Variants in ZNF276 observed in about 807,000 individuals in gnomAD.
ZNF276 encodes the protein centromere protein Z.
A neutral mutation model predicts 63.9 loss-of-function variants in ZNF276; 59 were observed. The ratio of observed to expected loss-of-function variants is 0.92; its 90% CI spans 0.75 to 1.15. ZNF276 has a LOEUF of 1.15. Ranked by LOEUF, ZNF276 falls within the 50% of genes most tolerant of loss-of-function variation. ZNF276 has a pLI of 0.00. For synonymous variants in ZNF276, 496 were observed against 348.4 expected, an observed-to-expected ratio of 1.42 and a Z score of -4.72; for missense variants, 1,084 against 843.8, an observed-to-expected ratio of 1.28 and a Z score of -3.53.
At chr16:89,736,216 C>T (rs1243293974) in intron 9 of ZNF276, among the ~76,000 whole-genome samples, 1 of 151,946 alleles carries the variant, frequency 6.6e-6, no homozygotes, top group Non-Finnish European at 1.5e-5. Flanking sequence ...AGTAGAGAGG[C>T]AGGTTTTGCT....
At position 89,722,507 on chromosome 16, in the gene ZNF276, A is replaced by G. The variant is rs374737072; in HGVS notation, c.206-24A>G. 13 of 1,589,764 alleles carry G rather than the reference A, an allele frequency of 8.2e-6. No homozygotes were observed. The African/African-American group carries it at 1.7e-4, about 21-fold the overall frequency. ...TCAGGAGCCTCCTTTGCCAGCTGCT[A>G]ACACTTCCTGCCGCTCTGTGCAGGA... On this transcript the variant is annotated intron_variant, in intron 1 of 10. Transcript: ENST00000443381.
rs1264506681 is a variant in ZNF276 at position 89,739,531 on chromosome 16, G to A, written c.*1285G>A. On this transcript the variant is annotated 3_prime_UTR_variant, in exon 11 of 11. Coordinates refer to ENST00000443381, the MANE Select transcript of ZNF276 (RefSeq NM_001113525.2). Reference sequence around the variant, plus strand: ...TGTGCTGATCCGGGGCCACACGGAGGAGGAGCCGCCCCAGCCTGAGGTCTG... The same window carrying A: ...TGTGCTGATCCGGGGCCACACGGAGAAGGAGCCGCCCCAGCCTGAGGTCTG... The A allele has an allele frequency of 1.3e-6, 2 of 1,551,362 alleles. No individual in the cohort carries two copies. Among genetic ancestry groups the A allele is most frequent in the Admixed American group, 2.0e-5 (1 of 51,016 alleles).
chr16:89,738,929 G>A lies in ZNF276; in HGVS notation c.*683G>A, dbSNP rs2151710810. ...TTTTTCGGGCACCGAGGTATTAACT[G>A]CAGCAGAAAAAGACGAGCTTTTGTT... On this transcript the variant is annotated 3_prime_UTR_variant, in exon 11 of 11. Transcript: ENST00000443381. 6.2e-7 allele frequency: 1 copy of A among 1,614,276 alleles called. No homozygotes were observed. The highest frequency in any genetic ancestry group is 1.3e-5 in the African/African-American group (1 of 75,076).
intron 9 of ZNF276, among the ~76,000 whole-genome samples, chr16:89,736,626 G>A (rs936914399): frequency 1.1e-4 from 16 of 151,398 alleles, no homozygotes; most frequent in South Asian, 4.2e-4. Context: ...CCACTGCACC[G>A]GCCCCCCAAA....
In ZNF276 at chr16:89,738,869, A is replaced by C; in HGVS notation, c.*623A>C. On this transcript the variant is annotated 3_prime_UTR_variant, in exon 11 of 11. Transcript: ENST00000443381. Reference sequence around the variant, plus strand: ...GTCCCCCACATGGCCCAAGGTGGGCATCTTGACGTTACCTCTGCCACGTGT... The same window carrying C: ...GTCCCCCACATGGCCCAAGGTGGGCCTCTTGACGTTACCTCTGCCACGTGT... 3 of 1,614,254 alleles carry C rather than the reference A, an allele frequency of 1.9e-6. No homozygotes were observed. The highest frequency in any genetic ancestry group is 2.5e-6 in the Non-Finnish European group (3 of 1,180,042).
In ZNF276 at chr16:89,733,290, T is replaced by C. The variant is rs1363635258; in HGVS notation, c.1170-12T>C. 6.2e-7 allele frequency: 1 copy of C among 1,608,528 alleles called. No homozygotes were observed. On this transcript the variant is annotated splice_polypyrimidine_tract_variant and intron_variant, in intron 6 of 10. Coordinates refer to ENST00000443381, the MANE Select transcript of ZNF276 (RefSeq NM_001113525.2). ...TCAGAAACCATTGAATTTGGGAACC[T>C]CTTTTTTTCAGAGTCTCTGGTAAGA...
At chr16:89,723,045 C>A in intron 2 of ZNF276, 92 bp from the exon 3 acceptor site, 1 of 1,609,344 alleles carries the variant, frequency 6.2e-7, no homozygotes, top group Non-Finnish European at 8.5e-7. Context: ...ATGGGGACCG[C>A]TGAGGTTTGA....
chr16:89,724,874 A>C (rs893934644), intron 4 of ZNF276, among the ~76,000 whole-genome samples: 4 of 152,048 alleles, frequency 2.6e-5, no homozygotes, highest in African/African-American at 9.7e-5. Flanking sequence ...CTATCTACCT[A>C]CCTATCTGTA....
intron 6 of ZNF276, chr16:89,732,460 G>T: frequency 6.5e-6 from 1 of 153,480 alleles, no homozygotes; most frequent in Non-Finnish European, 1.5e-5. Context: ...CCCATTTTGA[G>T]AGAGTGGATT....
At chr16:89,734,206 G>A (rs944783062) in intron 9 of ZNF276, among the ~76,000 whole-genome samples, 168 bp downstream of exon 9, 3 of 152,246 alleles carry the variant, frequency 2.0e-5, no homozygotes, top group Non-Finnish European at 4.4e-5. Context: ...AGAGTAGGGC[G>A]TCAGTGTGAA....
chr16:89,722,435 G>T (rs1415943972), intron 1 of ZNF276, 96 bp from the exon 2 acceptor site: 2 of 1,398,112 alleles, frequency 1.4e-6, no homozygotes, highest in Admixed American at 4.6e-5. Context: ...CGCGCGAAGG[G>T]CGCTGCAGGC....
chr16:89,733,715 G>A (rs141102927), intron 8 of ZNF276, among the ~76,000 whole-genome samples, 158 bp downstream of exon 8: 7 of 152,170 alleles, frequency 4.6e-5, no homozygotes, highest in African/African-American at 1.7e-4. Flanking sequence ...GCCATCCTTG[G>A]GGGTAGATGT....
chr16:89,722,933 G>T, intron 2 of ZNF276, 99 bp downstream of exon 2: 3 of 1,557,700 alleles, frequency 1.9e-6, no homozygotes, highest in Non-Finnish European at 2.6e-6. Flanking sequence ...GAGCCTCTGG[G>T]TGGGGGGAAT....
At chr16:89,728,300 C>A (rs2061530548) in intron 5 of ZNF276, among the ~76,000 whole-genome samples, 1 of 151,310 alleles carries the variant, frequency 6.6e-6, no homozygotes, top group African/African-American at 2.4e-5. Context: ...CCTCAGCTCA[C>A]TGCAAACTCC....
upstream of ZNF276, chr16:89,721,508 C>A (rs950837538): frequency 5.5e-6 from 5 of 916,912 alleles, no homozygotes; most frequent in Non-Finnish European, 7.6e-6. Context: ...CCGCCCGCCT[C>A]GCTTTGCTTC....
chr16:89,728,033 A>G (rs1280408319), intron 5 of ZNF276, among the ~76,000 whole-genome samples: 1 of 152,168 alleles, frequency 6.6e-6, no homozygotes, highest in Non-Finnish European at 1.5e-5. Flanking sequence ...GCTGCAACAC[A>G]GATGCACCTC....
chr16:89,727,608 G>A (rs1446565145), intron 5 of ZNF276, among the ~76,000 whole-genome samples: 2 of 152,280 alleles, frequency 1.3e-5, no homozygotes, highest in Non-Finnish European at 1.5e-5. Context: ...GGGAGCTTCC[G>A]AGGCTTCTTG....
At chr16:89,724,872 C>G (rs1372487015) in intron 4 of ZNF276, among the ~76,000 whole-genome samples, 1 of 152,176 alleles carries the variant, frequency 6.6e-6, no homozygotes, top group African/African-American at 2.4e-5. Flanking sequence ...CTCTATCTAC[C>G]TACCTATCTG....
rs2062027513 is a variant in ZNF276, at chr16:89,738,576, G to A, written c.*330G>A. The A allele has an allele frequency of 1.9e-6, 3 of 1,612,946 alleles. No individual in the cohort carries two copies. The highest frequency in any genetic ancestry group is 1.3e-5 in the African/African-American group (1 of 74,912). On this transcript the variant is annotated 3_prime_UTR_variant, in exon 11 of 11. Coordinates refer to ENST00000443381, the MANE Select transcript of ZNF276 (RefSeq NM_001113525.2). ...TAATAAATTATTTACACGGGAGCTGGGCTGGTGTGCAGTGGCAGGTCCCGT... is the reference window on the plus strand; with the variant it reads ...TAATAAATTATTTACACGGGAGCTGAGCTGGTGTGCAGTGGCAGGTCCCGT...
Sources: allele counts gnomAD v4.1 joint callset (sites outside exome capture counted in the v4.1 genomes callset), GRCh38; gene constraint gnomAD v4.1.1; transcripts MANE v1.5; gene names NCBI Gene and HGNC (gene_info 2026-07-23, HGNC 2026-07-21).